The following TNR variants were observed in gnomAD, a reference collection of about 807,000 sequenced individuals.
TNR encodes tenascin R.
TNR carries 45 observed loss-of-function variants against 150.4 expected under a neutral mutation model. The ratio of observed to expected loss-of-function variants is 0.30; its 90% CI spans 0.24 to 0.38. The LOEUF (loss-of-function observed/expected upper bound fraction) is 0.38. TNR is among the 10% of genes least tolerant of loss of function. The probability of loss-of-function intolerance (pLI) is 1.00; values close to 1 mark genes in which losing one functional copy is unlikely to be tolerated. For synonymous variants in TNR, 687 were observed against 678.4 expected (o/e 1.01, Z -0.20); for missense variants, 1,544 against 1,759.1 (o/e 0.88, Z 2.19).
intron 1 of TNR, among the ~76,000 whole-genome samples, chr1:175,629,482 C>T (rs565898270): frequency 2.0e-5 from 3 of 152,090 alleles, no homozygotes; most frequent in East Asian, 3.9e-4. Flanking sequence ...TTGCTGAGAA[C>T]AATTTTTTTT....
chr1:175,500,957 G>C (rs1658708605), intron 2 of TNR, among the ~76,000 whole-genome samples: 2 of 152,160 alleles, frequency 1.3e-5, no homozygotes, highest in African/African-American at 4.8e-5. Flanking sequence ...GGGTTAGAGA[G>C]GAGTCCAAGA....
intron 2 of TNR, among the ~76,000 whole-genome samples, chr1:175,416,960 A>G (rs1654490204): frequency 6.7e-6 from 1 of 148,252 alleles, no homozygotes; most frequent in African/African-American, 2.5e-5. Flanking sequence ...GTGAGCCAAG[A>G]TTGCGCCACT....
At chr1:175,700,766 A>G (rs7539097) in intron 1 of TNR, among the ~76,000 whole-genome samples, 12,161 of 152,222 alleles carry the variant, frequency 0.08, 596 homozygotes, top group East Asian at 0.17. Context: ...TGACACTAGC[A>G]GACTCTAGGT....
intron 1 of TNR, among the ~76,000 whole-genome samples, chr1:175,678,200 G>A (rs1665920951): frequency 6.6e-6 from 1 of 152,190 alleles, no homozygotes; most frequent in Admixed American, 6.5e-5. Flanking sequence ...TCCTAAGGAT[G>A]AGGGAGGTGG....
rs1312099794 is a variant in TNR, at chr1:175,589,521, A to G, written c.-164-61152T>C. Among the ~76,000 whole-genome samples, 3 of 152,228 alleles carry G rather than the reference A, an allele frequency of 2.0e-5. No homozygotes were observed. The East Asian group carries it at 5.8e-4, about 29-fold the overall frequency. Reference sequence around the variant, plus strand: ...TATCACAGTCTGGGCAATATTTTTAAAACAAAAATTAATGCAAAAAGTATG... The same window carrying G: ...TATCACAGTCTGGGCAATATTTTTAGAACAAAAATTAATGCAAAAAGTATG... On this transcript the variant is annotated intron_variant, in intron 1 of 22. Transcript: ENST00000367674.
chr1:175,560,029 A>G (rs1352314283), intron 1 of TNR, among the ~76,000 whole-genome samples: 1 of 152,180 alleles, frequency 6.6e-6, no homozygotes, highest in African/African-American at 2.4e-5. Flanking sequence ...ATTGCAGAAA[A>G]TGTTTTATCA....
chr1:175,702,644 C>G (rs1475350140), intron 1 of TNR, among the ~76,000 whole-genome samples: 1 of 152,092 alleles, frequency 6.6e-6, no homozygotes, highest in South Asian at 2.1e-4. Flanking sequence ...GAGCAGTTAC[C>G]AAAAAGAGCT....
chr1:175,398,212 T>C (rs1443764943), intron 4 of TNR, among the ~76,000 whole-genome samples: 1 of 152,124 alleles, frequency 6.6e-6, no homozygotes, highest in Non-Finnish European at 1.5e-5. Context: ...ACTCACAGGA[T>C]AGAATCAGCA....
chr1:175,557,312 G>T (rs1271181778), intron 1 of TNR, among the ~76,000 whole-genome samples: 1 of 152,208 alleles, frequency 6.6e-6, no homozygotes, highest in Non-Finnish European at 1.5e-5. Flanking sequence ...ATGATAATGT[G>T]TGTTGTTTTA....
chr1:175,357,562 A>C (rs1434544715), intron 15 of TNR, among the ~76,000 whole-genome samples: 3 of 152,196 alleles, frequency 2.0e-5, no homozygotes, highest in Non-Finnish European at 4.4e-5. Flanking sequence ...ATACCAAACT[A>C]TGGTAGTTCT....
chr1:175,734,978 C>G (rs1035899930), intron 1 of TNR, among the ~76,000 whole-genome samples: 6 of 152,314 alleles, frequency 3.9e-5, no homozygotes, highest in Middle Eastern at 3.4e-3. Context: ...GTGAGTTTCA[C>G]CAGCATTAAA....
intron 1 of TNR, among the ~76,000 whole-genome samples, chr1:175,728,121 A>G (rs1363479383): frequency 6.6e-6 from 1 of 152,214 alleles, no homozygotes; most frequent in Non-Finnish European, 1.5e-5. Flanking sequence ...AGATGAGTAC[A>G]AGAAAAGAAG....
chr1:175,607,434 G>A (rs970015653), intron 1 of TNR, among the ~76,000 whole-genome samples: 1 of 152,216 alleles, frequency 6.6e-6, no homozygotes, highest in East Asian at 1.9e-4. Context: ...GTACCTCTTG[G>A]AGAAAGGTAA....
intron 2 of TNR, among the ~76,000 whole-genome samples, chr1:175,446,228 G>T (rs945203559): frequency 7.2e-5 from 11 of 152,168 alleles, no homozygotes; most frequent in Non-Finnish European, 1.5e-4. Context: ...TCACAGCTCA[G>T]CCACTCAGAG....
intron 5 of TNR, among the ~76,000 whole-genome samples, chr1:175,394,445 T>C (rs34581198): frequency 0.054 from 8,207 of 152,298 alleles, 311 homozygotes; most frequent in Middle Eastern, 0.17. Context: ...GAGAGTATTT[T>C]GTTTAGCTCA....
intron 10 of TNR, among the ~76,000 whole-genome samples, chr1:175,366,705 A>T (rs1445175587): frequency 6.6e-6 from 1 of 152,200 alleles, no homozygotes; most frequent in Non-Finnish European, 1.5e-5. Context: ...AATGACTTTG[A>T]AATTTACCCA....
intron 1 of TNR, among the ~76,000 whole-genome samples, chr1:175,606,214 G>T (rs1330646589): frequency 6.6e-6 from 1 of 152,152 alleles, no homozygotes; most frequent in African/African-American, 2.4e-5. Context: ...ACCCAGATAA[G>T]TCTTCCAGAT....
At chr1:175,678,844 G>A (rs972834083) in intron 1 of TNR, among the ~76,000 whole-genome samples, 1 of 152,234 alleles carries the variant, frequency 6.6e-6, no homozygotes, top group African/African-American at 2.4e-5. Flanking sequence ...GGAAGGCAGA[G>A]AGACTAGGAG....
intron 1 of TNR, among the ~76,000 whole-genome samples, chr1:175,578,414 T>A (rs1018437959): frequency 4.0e-5 from 6 of 151,626 alleles, no homozygotes; most frequent in Admixed American, 3.9e-4. Flanking sequence ...GAACAGAATA[T>A]CAACAGGATA....
Sources: allele counts gnomAD v4.1 joint callset (sites outside exome capture counted in the v4.1 genomes callset), GRCh38; gene constraint gnomAD v4.1.1; transcripts MANE v1.5; gene names NCBI Gene and HGNC (gene_info 2026-07-23, HGNC 2026-07-21).